The following MAMDC2 variants were observed in gnomAD, a reference collection of about 807,000 sequenced individuals.
MAMDC2 encodes the protein MAM domain-containing protein 2.
MAMDC2 carries 57 observed loss-of-function variants against 89.8 expected under a neutral mutation model. That is an observed-to-expected ratio of 0.63 (90% confidence interval 0.51 to 0.79). MAMDC2 has a LOEUF of 0.79. MAMDC2 is among the 30% of genes least tolerant of loss of function. MAMDC2 has a pLI of 0.00. For synonymous variants in MAMDC2, 313 were observed against 293.4 expected, an observed-to-expected ratio of 1.07 and a Z score of -0.68; for missense variants, 800 against 820.6, an observed-to-expected ratio of 0.97 and a Z score of 0.31.
chr9:70,198,560 C>A (rs1349882968), intron 11 of MAMDC2, among the ~76,000 whole-genome samples: 2 of 152,046 alleles, frequency 1.3e-5, no homozygotes, highest in Non-Finnish European at 2.9e-5. Flanking sequence ...CTCCCACTGA[C>A]TCCCCCAGTG....
At chr9:70,204,128 C>A (rs1024172637) in intron 11 of MAMDC2, among the ~76,000 whole-genome samples, 3 of 151,954 alleles carry the variant, frequency 2.0e-5, no homozygotes, top group African/African-American at 7.3e-5. Flanking sequence ...GGAGGAGAGA[C>A]GCTCTGCGTT....
chr9:70,149,139 A>G (rs1164619536), intron 9 of MAMDC2, among the ~76,000 whole-genome samples: 3 of 138,226 alleles, frequency 2.2e-5, no homozygotes, highest in Admixed American at 7.5e-5. Context: ...TGAACCCAGG[A>G]GGTGGATGGA....
chr9:70,113,021 T>G lies in MAMDC2; in HGVS notation c.532T>G (p.Cys178Gly). The change falls in exon 5 of 14, where the codon TGT (cysteine) becomes GGT (glycine). Residue 178 changes from cysteine to glycine, a missense_variant. Physicochemically the swap from Cys to Gly is radical, Grantham distance 159. Transcript: ENST00000377182. ...ATGTGACTTTGAAGAAAATCATCTC[T>G]GTGGCTTTGTGAACCGCTGGAATCC... ...IECDFEENHL[C>G]GFVNRWNPNV... 1 of 1,614,170 alleles carries G rather than the reference T, an allele frequency of 6.2e-7. No homozygotes were observed. The highest frequency in any genetic ancestry group is 8.5e-7 in the Non-Finnish European group (1 of 1,179,996).
intron 11 of MAMDC2, among the ~76,000 whole-genome samples, chr9:70,174,466 C>T (rs969396892): frequency 1.3e-5 from 2 of 152,078 alleles, no homozygotes; most frequent in African/African-American, 2.4e-5. Flanking sequence ...AGAGTCACAA[C>T]GAAGCCCATT....
chr9:70,146,705 A>C (rs1200422830), intron 9 of MAMDC2, among the ~76,000 whole-genome samples: 2 of 152,086 alleles, frequency 1.3e-5, no homozygotes, highest in Non-Finnish European at 2.9e-5. Flanking sequence ...GACCGAGGCG[A>C]GTCGATCACC....
At chr9:70,090,298 C>T (rs1457792879) in intron 2 of MAMDC2, among the ~76,000 whole-genome samples, 3 of 151,862 alleles carry the variant, frequency 2.0e-5, no homozygotes, top group Non-Finnish European at 2.9e-5. Context: ...CACAGTGAGA[C>T]AAAAAGTTTA....
intron 2 of MAMDC2, among the ~76,000 whole-genome samples, chr9:70,102,714 ATT>A (rs146216012): frequency 0.042 from 6,417 of 152,218 alleles, 401 homozygotes; most frequent in African/African-American, 0.14. Flanking sequence ...AAAAAAATCT[ATT>A]TGGAAGTTTA....
intron 9 of MAMDC2, among the ~76,000 whole-genome samples, chr9:70,165,959 G>T (rs1000922798): frequency 1.3e-5 from 2 of 151,982 alleles, no homozygotes. Context: ...AAATATAAAG[G>T]CTGGGTGAGG....
intron 9 of MAMDC2, among the ~76,000 whole-genome samples, chr9:70,156,458 T>C (rs1249670682): frequency 1.3e-5 from 2 of 152,128 alleles, no homozygotes; most frequent in African/African-American, 4.8e-5. Flanking sequence ...ACAAGACACA[T>C]GAGAGGAGGT....
At position 70,218,569 on chromosome 9, in the gene MAMDC2, T is replaced by G. The variant is rs1564004325; in HGVS notation, c.1884T>G (p.Ile628Met). 1 of 1,612,076 alleles carries G rather than the reference T, an allele frequency of 6.2e-7. No homozygotes were observed. Among genetic ancestry groups the G allele is most frequent in the East Asian group, 2.2e-5 (1 of 44,840 alleles). ...EQSISWLRAL[I>M]EYSCERQHQI... ...GCATTTCCTGGCTACGAGCACTGAT[T>G]GAATACAGCTGTGAGAGGCAACACC... Residue 628 changes from isoleucine (I) to methionine (M), a missense_variant, in exon 12 of 14, where the codon ATT becomes ATG. Transcript: ENST00000377182.
intron 11 of MAMDC2, among the ~76,000 whole-genome samples, chr9:70,175,382 A>T (rs946051843): frequency 6.6e-6 from 1 of 152,212 alleles, no homozygotes; most frequent in Non-Finnish European, 1.5e-5. Context: ...TTAGATGAGT[A>T]TAAGAGAAAG....
At chr9:70,117,398 CT>C (rs1309191012) in intron 5 of MAMDC2, among the ~76,000 whole-genome samples, 1 of 152,122 alleles carries the variant, frequency 6.6e-6, no homozygotes, top group East Asian at 1.9e-4. Context: ...CACATTCTCA[CT>C]CATAAGTGGG....
At position 70,226,383 on chromosome 9, in the gene MAMDC2, A is replaced by G. The variant is rs2033640055; in HGVS notation, c.*351A>G. ...ATTTAAATCTGCATTCAGTGAATGT[A>G]TTGGGAGAAAAATAGGTCTTGCAGG... is the stretch of plus-strand genomic sequence containing the variant. On this transcript the variant is annotated 3_prime_UTR_variant, in exon 14 of 14. Transcript: ENST00000377182. 6.4e-6 allele frequency: 1 copy of G among 157,304 alleles called. No individual in the cohort carries two copies. The highest frequency in any genetic ancestry group is 2.0e-4 in the South Asian group (1 of 4,888). 9.7% of individuals were successfully genotyped at this position (157,304 alleles called of 1,614,324 possible). A position where few individuals can be genotyped will look rare whatever the true frequency, so the allele number is the denominator to read the frequency against.
rs527921369 is a variant in MAMDC2 at position 70,173,802 on chromosome 9, A to G, written c.1651+3171A>G. On this transcript the variant is annotated intron_variant, in intron 11 of 13. Coordinates refer to ENST00000377182, the MANE Select transcript of MAMDC2 (RefSeq NM_153267.5). ...GCAAGGAGAGACACCAGGCCAGGTT[A>G]TAACAAACCCAGGAACTTAGGGCAT... is the stretch of plus-strand genomic sequence containing the variant. Among the ~76,000 whole-genome samples, 17 of 152,350 alleles carry G rather than the reference A, an allele frequency of 1.1e-4. No individual in the cohort carries two copies. The South Asian group carries it at 3.5e-3, about 32-fold the overall frequency.
At position 70,126,337 on chromosome 9, in the gene MAMDC2, A is replaced by C. The variant is rs544814776; in HGVS notation, c.822A>C (p.Glu274Asp). The C allele has an allele frequency of 8.7e-6, 14 of 1,614,136 alleles. No homozygotes were observed. The East Asian group carries it at 8.9e-5, about 10-fold the overall frequency. ...YTRDVAGLYE[E>D]IWKADRPGNA... ...GGGATGTGGCTGGCCTTTACGAGGA[A>C]ATCTGGAAAGCAGACAGGCCAGGGA... is the stretch of plus-strand genomic sequence containing the variant. Residue 274 changes from glutamate to aspartate, a missense_variant, in exon 6 of 14, where the codon GAA becomes GAC. By Grantham distance (45) the Glu-to-Asp change is conservative. Transcript: ENST00000377182.
At chr9:70,203,718 C>G (rs1344460026) in intron 11 of MAMDC2, among the ~76,000 whole-genome samples, 1 of 113,786 alleles carries the variant, frequency 8.8e-6, no homozygotes, top group African/African-American at 3.3e-5. Flanking sequence ...TTGGTCTTTT[C>G]ACATAGTCCC....
intron 11 of MAMDC2, among the ~76,000 whole-genome samples, chr9:70,176,097 G>A (rs1237362403): frequency 6.6e-6 from 1 of 152,196 alleles, no homozygotes; most frequent in African/African-American, 2.4e-5. Context: ...AAGGAACAGG[G>A]TAAACTCTTA....
chr9:70,151,853 G>A (rs1417264252), intron 9 of MAMDC2, among the ~76,000 whole-genome samples: 1 of 152,150 alleles, frequency 6.6e-6, no homozygotes, highest in Non-Finnish European at 1.5e-5. Context: ...CCTAAACTGA[G>A]AGCCTGGCAC....
chr9:70,122,211 C>T (rs2030316935), intron 5 of MAMDC2, among the ~76,000 whole-genome samples: 1 of 152,196 alleles, frequency 6.6e-6, no homozygotes, highest in Non-Finnish European at 1.5e-5. Context: ...GACTTAGTGT[C>T]AGCAGTCTTG....
Sources: allele counts gnomAD v4.1 joint callset (sites outside exome capture counted in the v4.1 genomes callset), GRCh38; gene constraint gnomAD v4.1.1; transcripts MANE v1.5; gene names NCBI Gene and HGNC (gene_info 2026-07-23, HGNC 2026-07-21).